STXBP4: variants seen among roughly 807,000 people sequenced by gnomAD.
The protein encoded by STXBP4 is syntaxin binding protein 4.
A neutral mutation model predicts 76.1 loss-of-function variants in STXBP4; 55 were observed. That is an observed-to-expected ratio of 0.72 (90% CI 0.58 to 0.91). The LOEUF (loss-of-function observed/expected upper bound fraction) is 0.91. Ranked by LOEUF, STXBP4 falls within the 40% of genes least tolerant of loss-of-function variation. The pLI is 0.00. For synonymous variants in STXBP4, 201 were observed against 220.2 expected (o/e 0.91, Z 0.77); for missense variants, 618 against 636.9 (o/e 0.97, Z 0.32).
chr17:55,123,057 G>A (rs244338), intron 16 of STXBP4, among the ~76,000 whole-genome samples: 47,709 of 151,758 alleles, frequency 0.31, 7,601 homozygotes, highest in African/African-American at 0.38. Flanking sequence ...CTCCTTTTTT[G>A]TCATCAGTTA....
chr17:55,198,731 G>A, the STXBP4 span, among the ~76,000 whole-genome samples: 5 of 152,096 alleles, frequency 3.3e-5, no homozygotes, highest in African/African-American at 9.7e-5. Context: ...TTTTCTCAAC[G>A]TACAGAATTC....
At chr17:55,155,745 G>T (rs1054126232) in intron 17 of STXBP4, among the ~76,000 whole-genome samples, 1 of 152,028 alleles carries the variant, frequency 6.6e-6, no homozygotes, top group Admixed American at 6.6e-5. Context: ...TTAACAGGTT[G>T]TCCTAATTTT....
rs1180714031 is a variant in STXBP4, at chr17:55,161,249, A to G, written c.*1338A>G. On this transcript the variant is annotated 3_prime_UTR_variant, in exon 18 of 18. Transcript: ENST00000376352. Reference sequence around the variant, plus strand: ...GGATTTGTGATTTATGTCTTGAGTAATAATATAAAGTCAACTCCAGACTGA... The same window carrying G: ...GGATTTGTGATTTATGTCTTGAGTAGTAATATAAAGTCAACTCCAGACTGA... The G allele has an allele frequency of 6.6e-6, 1 of 152,206 alleles. No homozygotes were observed. The highest frequency in any genetic ancestry group is 2.4e-5 in the African/African-American group (1 of 41,446). The allele number at this position is 152,206 out of a possible 1,614,324, so 9.4% of individuals were successfully genotyped here.
chr17:55,080,910 C>T (rs1283708264), intron 15 of STXBP4, 140 bp from the exon 16 acceptor site: 1 of 700,856 alleles, frequency 1.4e-6, no homozygotes, highest in Non-Finnish European at 2.0e-6. Context: ...TGAATTACTT[C>T]AATTTTGGTT....
intron 17 of STXBP4, among the ~76,000 whole-genome samples, chr17:55,147,368 G>C (rs1362207999): frequency 6.6e-6 from 1 of 152,214 alleles, no homozygotes; most frequent in Non-Finnish European, 1.5e-5. Flanking sequence ...CCACTGATCT[G>C]ACAAGAGGCA....
intron 8 of STXBP4, among the ~76,000 whole-genome samples, chr17:55,027,090 A>G (rs2078429823): frequency 6.6e-6 from 1 of 151,894 alleles, no homozygotes; most frequent in African/African-American, 2.4e-5. Context: ...GCCACCTGCT[A>G]CTCCCTACTC....
At chr17:54,998,498 GCT>G (rs1464521428) in intron 4 of STXBP4, among the ~76,000 whole-genome samples, 1 of 152,124 alleles carries the variant, frequency 6.6e-6, no homozygotes. Context: ...TTCCTGATAT[GCT>G]CTGTCTTACT....
intron 16 of STXBP4, among the ~76,000 whole-genome samples, chr17:55,087,563 G>A (rs958576910): frequency 1.5e-4 from 23 of 152,206 alleles, no homozygotes; most frequent in Admixed American, 3.9e-4. Flanking sequence ...GTAAATATGT[G>A]GATTAATTTC....
rs145603593 is a variant in STXBP4, at chr17:55,016,842, T to A, written c.666+9245T>A. On this transcript the variant is annotated intron_variant, in intron 8 of 17. Transcript: ENST00000376352. ...TTGAGTTAGTAAGCTACCTTTTTGC[T>A]TTTTTGACTTAGAATAATTCTGAAC... Among the ~76,000 whole-genome samples, 479 of 152,342 alleles carry A rather than the reference T, an allele frequency of 3.1e-3. 11 individuals carry two copies. Among genetic ancestry groups the A allele is most frequent in the East Asian group, 0.025 (130 of 5,178 alleles).
intron 13 of STXBP4, among the ~76,000 whole-genome samples, chr17:55,077,233 T>C (rs1461295914): frequency 2.0e-5 from 3 of 152,130 alleles, no homozygotes; most frequent in Non-Finnish European, 4.4e-5. Flanking sequence ...TATCAATGCA[T>C]TATAAGTGGG....
At chr17:55,000,138 G>T in intron 6 of STXBP4, 1 of 817,400 alleles carries the variant, frequency 1.2e-6, no homozygotes, top group Non-Finnish European at 1.5e-6. Context: ...GTCATATTTG[G>T]TTTCAGTTGG....
At chr17:55,086,435 A>G (rs1247759103) in intron 16 of STXBP4, among the ~76,000 whole-genome samples, 1 of 152,172 alleles carries the variant, frequency 6.6e-6, no homozygotes, top group Non-Finnish European at 1.5e-5. Flanking sequence ...TTCAAACTAT[A>G]TAGTACATTA....
chr17:55,022,106 C>T (rs1431179089), intron 8 of STXBP4, among the ~76,000 whole-genome samples: 1 of 151,096 alleles, frequency 6.6e-6, no homozygotes, highest in Non-Finnish European at 1.5e-5. Flanking sequence ...AGTTCTGTCC[C>T]TTCTGTAGGA....
intron 16 of STXBP4, among the ~76,000 whole-genome samples, chr17:55,086,976 C>G (rs2079342436): frequency 2.0e-5 from 3 of 152,092 alleles, no homozygotes; most frequent in Admixed American, 1.3e-4. Context: ...GAGATGGTAA[C>G]TCATTGTGGA....
chr17:55,041,047 CG>C (rs1278974455), intron 10 of STXBP4, among the ~76,000 whole-genome samples: 2 of 152,008 alleles, frequency 1.3e-5, no homozygotes, highest in Non-Finnish European at 1.5e-5. Flanking sequence ...GATTATAAAA[CG>C]TTTTTTTAAG....
chr17:55,074,172 A>C (rs983261092), intron 13 of STXBP4, among the ~76,000 whole-genome samples: 1 of 152,242 alleles, frequency 6.6e-6, no homozygotes, highest in Admixed American at 6.5e-5. Flanking sequence ...CTATTTAAAC[A>C]TTAAAAAGTT....
At chr17:55,204,779 C>T in the STXBP4 span, among the ~76,000 whole-genome samples, 1 of 151,728 alleles carries the variant, frequency 6.6e-6, no homozygotes, top group East Asian at 1.9e-4. Flanking sequence ...CAAGTACTGG[C>T]TGCATTGGTA....
chr17:55,010,402 A>G (rs1005347324), intron 8 of STXBP4, among the ~76,000 whole-genome samples: 3 of 152,050 alleles, frequency 2.0e-5, no homozygotes, highest in Non-Finnish European at 4.4e-5. Context: ...TTGTCTGTAA[A>G]ATGGATTTAC....
At chr17:55,116,554 G>T (rs531964203) in intron 16 of STXBP4, among the ~76,000 whole-genome samples, 48 of 151,796 alleles carry the variant, frequency 3.2e-4, no homozygotes, top group African/African-American at 4.1e-4. Flanking sequence ...TTAGTATCTG[G>T]CTTTCTGTCT....
Sources: allele counts gnomAD v4.1 joint callset (sites outside exome capture counted in the v4.1 genomes callset), GRCh38; gene constraint gnomAD v4.1.1; transcripts MANE v1.5; gene names NCBI Gene and HGNC (gene_info 2026-07-23, HGNC 2026-07-21).